Variants in PDE4A observed in about 807,000 individuals in gnomAD.
The protein encoded by PDE4A is 3',5'-cyclic-AMP phosphodiesterase 4A.
Under a neutral mutation model 73.9 loss-of-function variants are expected in PDE4A, and 21 were observed. The observed-to-expected ratio is 0.28, with a 90% CI of 0.20 to 0.41. The LOEUF is 0.41. Ranked by LOEUF, PDE4A falls within the 10% of genes least tolerant of loss-of-function variation. The pLI, the probability that PDE4A is intolerant of heterozygous loss-of-function variation, is 1.00. For synonymous variants in PDE4A, 463 were observed against 505.4 expected, an observed-to-expected ratio of 0.92 and a Z score of 1.13; for missense variants, 958 against 1,211.4, an observed-to-expected ratio of 0.79 and a Z score of 3.10.
Position 10,466,684 on chromosome 19 carries a change from C to T in PDE4A, c.1927-203C>T, listed in dbSNP as rs145045500. ...AATTTTTGTATTTTTGGTAGAGATG[C>T]GGTTTCACCATGCTGGCCAGGCTGG... On this transcript the variant is annotated intron_variant, in intron 14 of 14. Transcript: ENST00000380702. 4.4e-3 allele frequency: 1,036 copies of T among 237,210 alleles called. 13 individuals are homozygous for T. The highest frequency in any genetic ancestry group is 0.023 in the African/African-American group (989 of 42,956). 14.7% of individuals were successfully genotyped at this position (237,210 alleles called of 1,614,324 possible).
At chr19:10,464,980 G>C (rs1599461886) in intron 14 of PDE4A, among the ~76,000 whole-genome samples, 1 of 151,942 alleles carries the variant, frequency 6.6e-6, no homozygotes, top group Non-Finnish European at 1.5e-5. Context: ...GCCTCCCAAA[G>C]TGCTGGGATT....
At chr19:10,430,988 G>T (rs747621295) in intron 1 of PDE4A, 7 of 1,568,946 alleles carry the variant, frequency 4.5e-6, no homozygotes, top group East Asian at 2.4e-5. Flanking sequence ...CGCCCTCCTC[G>T]CCCGTCTTCT....
rs768988882 is a variant in PDE4A at position 10,459,624 on chromosome 19, C to A, written c.1230C>A (p.Ile410=). 1.9e-6 allele frequency: 3 copies of A among 1,614,206 alleles called. No homozygotes were observed. The highest frequency in any genetic ancestry group is 3.3e-5 in the Admixed American group (2 of 60,026). ...QERDLLKKFR[I]PVDTMVTYML... ...GGGACCTGCTGAAGAAATTCCGCAT[C>A]CCTGTGGACACGATGGTGACATACA... is the stretch of plus-strand genomic sequence containing the variant. Residue 410 remains isoleucine, a synonymous_variant, in exon 10 of 15, where the codon ATC becomes ATA. Coordinates refer to ENST00000380702, the MANE Select transcript of PDE4A (RefSeq NM_001111307.2).
Position 10,463,856 on chromosome 19 carries a change from C to T in PDE4A, c.1807C>T (p.Arg603Cys), listed in dbSNP as rs756425710. 5.0e-6 allele frequency: 8 copies of T among 1,614,186 alleles called. No homozygotes were observed. Among genetic ancestry groups the T allele is most frequent in the South Asian group, 1.1e-5 (1 of 91,082 alleles). The change falls in exon 14 of 15, where the codon CGC becomes TGC. Residue 603 changes from arginine (R) to cysteine (C), a missense_variant. Arg to Cys is a radical substitution (Grantham distance 180). Around this residue, in one of 3 missense-constraint regions of PDE4A, gnomAD observed 570 missense variants for 827.7 expected, o/e 0.69. Coordinates refer to ENST00000380702, the MANE Select transcript of PDE4A (RefSeq NM_001111307.2). ...SNPTKPLELYRQWTDRIMAEF... is the reference protein window; with the variant it reads ...SNPTKPLELYCQWTDRIMAEF... ...CCCCACCAAGCCGCTGGAGCTGTACCGCCAGTGGACAGACCGCATCATGGC... is the reference window on the plus strand; with the variant it reads ...CCCCACCAAGCCGCTGGAGCTGTACTGCCAGTGGACAGACCGCATCATGGC...
At chr19:10,427,507 T>C in intron 1 of PDE4A, 2 of 985,362 alleles carry the variant, frequency 2.0e-6, no homozygotes, top group Non-Finnish European at 2.4e-6. Context: ...CATAGACCAT[T>C]AGGCCATGAT....
At chr19:10,416,799 C>G (rs2042591814), upstream of PDE4A, 1 of 1,518,842 alleles carries the variant, frequency 6.6e-7, no homozygotes, top group Admixed American at 2.0e-5. Flanking sequence ...AGGCAATAGG[C>G]AAGTGGCGGG....
intron 4 of PDE4A, 193 bp from the exon 5 acceptor site, chr19:10,450,410 C>A: frequency 1.2e-6 from 1 of 816,108 alleles, no homozygotes; most frequent in Non-Finnish European, 1.5e-6. Flanking sequence ...CCTCCTTGAG[C>A]CTCAGTTTCC....
Position 10,420,687 on chromosome 19 carries a change from C to G in PDE4A, c.-78C>G. ...GGGCGCACCCGCGGGGCCCTGGGCTCGCTGGCTTGCGCGCAGCTGAGCGGG... is the reference window on the plus strand; with the variant it reads ...GGGCGCACCCGCGGGGCCCTGGGCTGGCTGGCTTGCGCGCAGCTGAGCGGG... On this transcript the variant is annotated 5_prime_UTR_variant, in exon 1 of 15. Transcript: ENST00000380702. This position sits in a 1 kb window ranked among gnomAD's most constrained non-coding sequence, Gnocchi z 6.0. 7.2e-7 allele frequency: 1 copy of G among 1,385,230 alleles called. No individual in the cohort carries two copies. Among genetic ancestry groups the G allele is most frequent in the Non-Finnish European group, 9.3e-7 (1 of 1,079,604 alleles). The allele number at this position is 1,385,230 out of a possible 1,614,324, so 85.8% of individuals were successfully genotyped here.
chr19:10,423,728 T>C (rs1170551427), intron 1 of PDE4A, among the ~76,000 whole-genome samples: 1 of 152,178 alleles, frequency 6.6e-6, no homozygotes, highest in Non-Finnish European at 1.5e-5. Context: ...AGGGGGGACC[T>C]GGGTGGATCC....
chr19:10,439,990 T>C (rs1448601003), intron 1 of PDE4A, among the ~76,000 whole-genome samples: 1 of 147,310 alleles, frequency 6.8e-6, no homozygotes, highest in African/African-American at 2.5e-5. Context: ...TCCTTTTTTT[T>C]TTTTTTTTTT....
At chr19:10,430,822 C>T (rs2042777689) in intron 1 of PDE4A, 1 of 1,048,404 alleles carries the variant, frequency 9.5e-7, no homozygotes, top group African/African-American at 1.7e-5. Flanking sequence ...CAGCGCCCGC[C>T]GAGGCGGGGC....
In PDE4A at chr19:10,466,999, A is replaced by G; in HGVS notation, c.2039A>G (p.Tyr680Cys). 1 of 1,614,148 alleles carries G rather than the reference A, an allele frequency of 6.2e-7. No homozygotes were observed. The highest frequency in any genetic ancestry group is 8.5e-7 in the Non-Finnish European group (1 of 1,180,036). The stretch of plus-strand genomic sequence containing the variant: ...TTGGAGGACAACCGGGACTGGTACT[A>G]CAGCGCCATCCGGCAGAGCCCATCT... The part of the protein sequence containing the change: ...DTLEDNRDWY[Y>C]SAIRQSPSPP... Residue 680 changes from tyrosine (Y) to cysteine (C), a missense_variant, in exon 15 of 15, where the codon TAC (tyrosine) becomes TGC (cysteine). Tyr to Cys is a radical substitution (Grantham distance 194, BLOSUM62 -2). Transcript: ENST00000380702.
At position 10,453,097 on chromosome 19, in the gene PDE4A, C is replaced by A. The variant is rs957894848; in HGVS notation, c.784-1732C>A. 1 of 1,353,642 alleles carries A rather than the reference C, an allele frequency of 7.4e-7. No individual in the cohort carries two copies. Among genetic ancestry groups the A allele is most frequent in the African/African-American group, 1.5e-5 (1 of 65,632 alleles). 83.9% of individuals were successfully genotyped at this position (1,353,642 alleles called of 1,614,324 possible). On this transcript the variant is annotated intron_variant, in intron 6 of 14. Transcript: ENST00000380702. This position sits in a 1 kb window ranked among gnomAD's most constrained non-coding sequence, Gnocchi z 4.6. The stretch of plus-strand genomic sequence containing the variant: ...GTAACCAGGGCTGCTGCTGGGAGCG[C>A]GGAGGGGAAGGGAGCCCCCAGCCCT...
At position 10,457,890 on chromosome 19, in the gene PDE4A, G is replaced by A; in HGVS notation, c.889G>A (p.Glu297Lys). The A allele has an allele frequency of 6.2e-7, 1 of 1,612,282 alleles. No homozygotes were observed. The highest frequency in any genetic ancestry group is 8.5e-7 in the Non-Finnish European group (1 of 1,180,018). The change falls in exon 8 of 15, where the codon GAA becomes AAA. Residue 297 changes from glutamate (E) to lysine (K), a missense_variant. Glu to Lys is a moderately conservative substitution (Grantham distance 56). Coordinates refer to ENST00000380702, the MANE Select transcript of PDE4A (RefSeq NM_001111307.2). Reference sequence around the variant, plus strand: ...CCCATCTTCTGCAGACAAACAGAATGAAGTGGAGATCCCATCACCCACGAT... The same window carrying A: ...CCCATCTTCTGCAGACAAACAGAATAAAGTGGAGATCCCATCACCCACGAT... ...ISTTFLDKQN[E>K]VEIPSPTMKE...
chr19:10,430,852 G>T (rs2042778220), intron 1 of PDE4A: 3 of 1,209,120 alleles, frequency 2.5e-6, no homozygotes, highest in African/African-American at 1.6e-5. Context: ...GCCATGGCGC[G>T]GCCGCGCGGC....
At chr19:10,446,095 T>C in intron 1 of PDE4A, 123 bp from the exon 2 acceptor site, 1 of 1,425,458 alleles carries the variant, frequency 7.0e-7, no homozygotes, top group Non-Finnish European at 9.2e-7. Context: ...CCACTTGGCC[T>C]CCCAAAGTGC....
chr19:10,448,586 A>C (rs1192028040), intron 2 of PDE4A, among the ~76,000 whole-genome samples: 5 of 151,060 alleles, frequency 3.3e-5, no homozygotes, highest in Admixed American at 2.0e-4. Context: ...CAGTGAGCTG[A>C]GATCATGCCA....
intron 1 of PDE4A, 168 bp downstream of exon 1, chr19:10,421,252 C>T (rs971894584): frequency 4.0e-5 from 39 of 985,120 alleles, no homozygotes; most frequent in Non-Finnish European, 4.6e-5. Context: ...CCTGGTTGTG[C>T]GCTCTACGGG....
Position 10,467,641 on chromosome 19 carries a change from G to A in PDE4A, c.*20G>A, listed in dbSNP as rs772483122. On this transcript the variant is annotated 3_prime_UTR_variant, in exon 15 of 15. Transcript: ENST00000380702. ...ACCTGATCCCCAGACCTCTGTCCCT[G>A]TTCCCCTCCACTCCTCCCCTCACTC... 39 of 1,519,562 alleles carry A rather than the reference G, an allele frequency of 2.6e-5. No individual in the cohort carries two copies. The highest frequency in any genetic ancestry group is 6.2e-5 in the Admixed American group (3 of 48,454). The allele number at this position is 1,519,562 out of a possible 1,614,324, so 94.1% of individuals were successfully genotyped here. A position where few individuals can be genotyped will look rare whatever the true frequency, so the allele number is the denominator to read the frequency against.
Sources: gnomAD v4.1 joint callset for allele counts (sites outside exome capture counted in the v4.1 genomes callset) on GRCh38, gnomAD v4.1.1 for gene constraint, gnomAD v4.1.1 regional missense constraint, Gnocchi (gnomAD v3.1) non-coding constraint, MANE v1.5 for transcripts, NCBI Gene and HGNC (gene_info 2026-07-23, HGNC 2026-07-21) for gene names.